STARD5: variants seen among roughly 807,000 people sequenced by gnomAD.
The protein encoded by STARD5 is stAR-related lipid transfer protein 5.
A neutral mutation model predicts 24.6 loss-of-function variants in STARD5; 26 were observed. The ratio of observed to expected loss-of-function variants is 1.06; its 90% confidence interval spans 0.77 to 1.47. The LOEUF is 1.47. Among genes scored for constraint, STARD5 ranks in the 40% most tolerant of loss-of-function variants. The probability of loss-of-function intolerance (pLI) is 0.00; values close to 1 mark genes in which losing one functional copy is unlikely to be tolerated. For synonymous variants in STARD5, 101 were observed against 99.7 expected (o/e 1.01, Z -0.07); for missense variants, 254 against 270.8 (o/e 0.94, Z 0.44).
At chr15:81,323,975 C>T in intron 1 of STARD5, 26 bp downstream of exon 1, 2 of 1,567,738 alleles carry the variant, frequency 1.3e-6, no homozygotes, top group Non-Finnish European at 1.7e-6. Context: ...TCTCCGCGAC[C>T]CCTTCCCGCC....
intron 1 of STARD5, 25 bp downstream of exon 1, chr15:81,323,976 C>A: frequency 6.4e-7 from 1 of 1,569,026 alleles, no homozygotes; most frequent in Non-Finnish European, 8.7e-7. Flanking sequence ...CTCCGCGACC[C>A]CTTCCCGCCC....
chr15:81,323,438 A>G, intron 1 of STARD5: 1 of 375,990 alleles, frequency 2.7e-6, no homozygotes, highest in South Asian at 2.4e-5. Context: ...CTCCCATGTT[A>G]CCCTCTGGCA....
In STARD5 at chr15:81,309,854, T is replaced by G. The variant is rs1785756449; in HGVS notation, c.*3402A>C. On this transcript the variant is annotated 3_prime_UTR_variant, in exon 6 of 6. Coordinates refer to ENST00000302824, the MANE Select transcript of STARD5 (RefSeq NM_181900.3). ...GCAGCTTCTACGGTGTATGGTTCTG[T>G]GCCAATGTATTGATAAGAGGGCACA... is the stretch of plus-strand genomic sequence containing the variant. 1 of 152,282 alleles carries G rather than the reference T, an allele frequency of 6.6e-6. No homozygotes were observed. Among genetic ancestry groups the G allele is most frequent in the Non-Finnish European group, 1.5e-5 (1 of 68,062 alleles). The allele number at this position is 152,282 out of a possible 1,614,324, so 9.4% of individuals were successfully genotyped here.
chr15:81,320,634 TG>T (rs1195843087), intron 3 of STARD5, among the ~76,000 whole-genome samples: 1 of 152,204 alleles, frequency 6.6e-6, no homozygotes, highest in Non-Finnish European at 1.5e-5. Context: ...TAGAATTTCA[TG>T]TTTTTCCCTT....
chr15:81,323,033 G>GA, intron 1 of STARD5, 85 bp from the exon 2 acceptor site: 1 of 1,470,086 alleles, frequency 6.8e-7, no homozygotes. Flanking sequence ...CAGAAGAGGG[G>GA]TAAGAGGCCT....
Position 81,309,718 on chromosome 15 carries a change from CAGAA to C in STARD5, c.*3534_*3537del, listed in dbSNP as rs1900755442. ...CTCAAAGCGTGGACAGGTGTGCCGACAGAAGGAACCAGCGTGTATATGAGGGTAT... is the reference window on the plus strand; with the variant it reads ...CTCAAAGCGTGGACAGGTGTGCCGACGGAACCAGCGTGTATATGAGGGTAT... On this transcript the variant is annotated 3_prime_UTR_variant, in exon 6 of 6. Transcript: ENST00000302824. The C allele has an allele frequency of 1.3e-5, 2 of 152,318 alleles. No individual in the cohort carries two copies. The highest frequency in any genetic ancestry group is 4.8e-5 in the African/African-American group (2 of 41,558). The allele number at this position is 152,318 out of a possible 1,614,324, so 9.4% of individuals were successfully genotyped here.
chr15:81,319,926 C>G (rs902021736), intron 3 of STARD5, among the ~76,000 whole-genome samples: 9 of 152,202 alleles, frequency 5.9e-5, no homozygotes, highest in Non-Finnish European at 8.8e-5. Flanking sequence ...AGAGGCCACT[C>G]TTTTTTAGGG....
At position 81,310,787 on chromosome 15, in the gene STARD5, G is replaced by A. The variant is rs1313250600; in HGVS notation, c.*2469C>T. The A allele has an allele frequency of 6.6e-6, 1 of 152,300 alleles. No homozygotes were observed. The highest frequency in any genetic ancestry group is 1.5e-5 in the Non-Finnish European group (1 of 68,156). The allele number at this position is 152,300 out of a possible 1,614,324, so 9.4% of individuals were successfully genotyped here. ...ATCAAGACTGGAAGGTGGGGACAGG[G>A]ATGAGCATGGAGCTGGCCGTGGGCC... On this transcript the variant is annotated 3_prime_UTR_variant, in exon 6 of 6. Coordinates refer to ENST00000302824, the MANE Select transcript of STARD5 (RefSeq NM_181900.3).
intron 5 of STARD5, among the ~76,000 whole-genome samples, chr15:81,316,321 A>T (rs1464034759): frequency 6.6e-6 from 1 of 152,022 alleles, no homozygotes; most frequent in Non-Finnish European, 1.5e-5. Context: ...AACTACTTAC[A>T]TTTGTGTTTT....
intron 5 of STARD5, among the ~76,000 whole-genome samples, chr15:81,314,908 A>AAAAAAAC (rs1901046707): frequency 1.4e-5 from 2 of 146,168 alleles, no homozygotes; most frequent in African/African-American, 2.6e-5. Flanking sequence ...AAAAAAAAAA[A>AAAAAAAC]AAAAAAAGAA....
chr15:81,313,248 C>G lies in STARD5; in HGVS notation c.*8G>C. Reference sequence around the variant, plus strand: ...ACGGGAGTTCTTTGCCAAGAAGTAACGATAGCATTACTCATGGAATTGCTT... The same window carrying G: ...ACGGGAGTTCTTTGCCAAGAAGTAAGGATAGCATTACTCATGGAATTGCTT... On this transcript the variant is annotated 3_prime_UTR_variant, in exon 6 of 6. Transcript: ENST00000302824. 2 of 1,549,914 alleles carry G rather than the reference C, an allele frequency of 1.3e-6. No homozygotes were observed. Among genetic ancestry groups the G allele is most frequent in the Non-Finnish European group, 1.7e-6 (2 of 1,146,158 alleles).
chr15:81,323,558 A>G, intron 1 of STARD5: 2 of 1,203,038 alleles, frequency 1.7e-6, no homozygotes, highest in Non-Finnish European at 2.4e-6. Flanking sequence ...GCTGTAATGA[A>G]CACAGAAGAA....
At position 81,310,016 on chromosome 15, in the gene STARD5, A is replaced by C. The variant is rs549895912; in HGVS notation, c.*3240T>G. On this transcript the variant is annotated 3_prime_UTR_variant, in exon 6 of 6. Transcript: ENST00000302824. ...ACAGGGAATGCCTGAGTGCCTGGCC[A>C]AAGGGATATTTGGTTTGGCCATCTC... 5 of 152,332 alleles carry C rather than the reference A, an allele frequency of 3.3e-5. No homozygotes were observed. Among genetic ancestry groups the C allele is most frequent in the African/African-American group, 7.2e-5 (3 of 41,576 alleles). 9.4% of individuals were successfully genotyped at this position (152,332 alleles called of 1,614,324 possible).
In STARD5 at chr15:81,311,930, C is replaced by A. The variant is rs1329085887; in HGVS notation, c.*1326G>T. 1.3e-5 allele frequency: 2 copies of A among 152,184 alleles called. No individual in the cohort carries two copies. The highest frequency in any genetic ancestry group is 3.8e-4 in the East Asian group (2 of 5,196). 9.4% of individuals were successfully genotyped at this position (152,184 alleles called of 1,614,324 possible). ...GCTGTCATGTTTTAAAGCTTGCTCA[C>A]ATCTTGGCACATTTAAGAGACAGTC... is the stretch of plus-strand genomic sequence containing the variant. On this transcript the variant is annotated 3_prime_UTR_variant, in exon 6 of 6. Transcript: ENST00000302824.
At chr15:81,319,210 G>A (rs959635344) in intron 4 of STARD5, 129 bp downstream of exon 4, 14 of 825,906 alleles carry the variant, frequency 1.7e-5, no homozygotes, top group Middle Eastern at 5.7e-4. Context: ...AACCAGATGA[G>A]GTAGGGGACT....
Position 81,319,457 on chromosome 15 carries a change from C to G in STARD5, c.283-1G>C. ...TGGAGGTTCTGCTTACACACAGGGT[C>G]TGCCAAACCAAAGAAGCATGTAGCT... On this transcript the variant is annotated splice_acceptor_variant, in intron 3 of 5. Coordinates refer to ENST00000302824, the MANE Select transcript of STARD5 (RefSeq NM_181900.3). LOFTEE classifies it high-confidence loss of function. The G allele has an allele frequency of 6.2e-7, 1 of 1,613,728 alleles. No homozygotes were observed. Among genetic ancestry groups the G allele is most frequent in the Non-Finnish European group, 8.5e-7 (1 of 1,179,626 alleles).
intron 1 of STARD5, chr15:81,323,564 A>T: frequency 7.9e-7 from 1 of 1,273,724 alleles, no homozygotes; most frequent in Non-Finnish European, 1.1e-6. Flanking sequence ...ATGAACACAG[A>T]AGAAAACCTT....
intron 1 of STARD5, chr15:81,323,257 G>C (rs1361157780): frequency 4.8e-6 from 2 of 416,942 alleles, no homozygotes; most frequent in Admixed American, 4.0e-5. Flanking sequence ...AAGTCAGAAG[G>C]GTCAAGCAAA....
At chr15:81,318,381 G>A in intron 5 of STARD5, 28 bp downstream of exon 5, 1 of 1,598,390 alleles carries the variant, frequency 6.3e-7, no homozygotes, top group Non-Finnish European at 8.6e-7. Flanking sequence ...TCTGAGCCAT[G>A]TACCTCAATG....
Sources: allele counts gnomAD v4.1 joint callset (sites outside exome capture counted in the v4.1 genomes callset), GRCh38; gene constraint gnomAD v4.1.1; transcripts MANE v1.5; gene names NCBI Gene and HGNC (gene_info 2026-07-23, HGNC 2026-07-21).